Variants in KCNB2 observed in about 807,000 individuals in gnomAD.
KCNB2 encodes the protein potassium voltage-gated channel subfamily B member 2, also known as delayed rectifier potassium channel protein.
KCNB2 carries 15 observed loss-of-function variants against 61.5 expected under a neutral mutation model. The observed-to-expected ratio is 0.24, with a 90% CI of 0.16 to 0.38. The LOEUF is 0.38. KCNB2 is among the 10% of genes least tolerant of loss of function. KCNB2 has a pLI of 1.00. For missense variants in KCNB2, 828 were observed against 1,125.2 expected (o/e 0.74, Z 3.78); for synonymous variants, 457 against 446.0 (o/e 1.02, Z -0.31).
intron 2 of KCNB2, among the ~76,000 whole-genome samples, chr8:72,685,095 G>A (rs536378826): frequency 1.3e-5 from 2 of 152,304 alleles, no homozygotes; most frequent in African/African-American, 2.4e-5. Context: ...AAGCACAAAT[G>A]TTGGATTTAA....
intron 2 of KCNB2, among the ~76,000 whole-genome samples, chr8:72,675,469 C>T (rs1357230922): frequency 1.3e-5 from 2 of 151,770 alleles, no homozygotes; most frequent in Admixed American, 1.3e-4. Context: ...CACCATTTTC[C>T]CTGACATTAA....
chr8:72,541,976 A>G (rs547170971), intron 1 of KCNB2, among the ~76,000 whole-genome samples: 31 of 152,248 alleles, frequency 2.0e-4, no homozygotes, highest in African/African-American at 5.5e-4. Flanking sequence ...TTCCCTGTGA[A>G]ACATAACATG....
At chr8:72,635,232 G>T (rs1034060993) in intron 2 of KCNB2, among the ~76,000 whole-genome samples, 2 of 152,082 alleles carry the variant, frequency 1.3e-5, no homozygotes, top group Non-Finnish European at 2.9e-5. Context: ...TCCCCTTTTT[G>T]CAGTCGGCTG....
At chr8:72,731,346 C>T (rs1023087572) in intron 2 of KCNB2, among the ~76,000 whole-genome samples, 3 of 152,148 alleles carry the variant, frequency 2.0e-5, no homozygotes, top group Admixed American at 6.6e-5. Flanking sequence ...CCATATTGGA[C>T]ATAATTAATT....
intron 1 of KCNB2, among the ~76,000 whole-genome samples, chr8:72,548,489 G>A (rs1806295517): frequency 6.6e-6 from 1 of 152,110 alleles, no homozygotes; most frequent in Non-Finnish European, 1.5e-5. Flanking sequence ...GTTCTGTGTA[G>A]TCCAGGCCAC....
At chr8:72,919,852 ATAT>A (rs1439193402) in intron 2 of KCNB2, among the ~76,000 whole-genome samples, 2 of 152,176 alleles carry the variant, frequency 1.3e-5, no homozygotes, top group African/African-American at 4.8e-5. Flanking sequence ...TGATAATCAG[ATAT>A]TATTGCAGAC....
intron 2 of KCNB2, among the ~76,000 whole-genome samples, chr8:72,617,324 G>A (rs1004321987): frequency 2.6e-5 from 4 of 152,150 alleles, no homozygotes; most frequent in African/African-American, 9.7e-5. Context: ...AACAAAGATA[G>A]CCAGTGATGT....
At chr8:72,589,520 TG>T (rs1216868857) in intron 2 of KCNB2, among the ~76,000 whole-genome samples, 10 of 152,172 alleles carry the variant, frequency 6.6e-5, no homozygotes, top group Admixed American at 6.5e-4. Flanking sequence ...GCACTATCAG[TG>T]CTTGGTAGTG....
intron 2 of KCNB2, among the ~76,000 whole-genome samples, chr8:72,884,706 T>C (rs1805773135): frequency 6.6e-6 from 1 of 152,214 alleles, no homozygotes; most frequent in African/African-American, 2.4e-5. Flanking sequence ...ATAACACCTC[T>C]ATCCTATATG....
intron 2 of KCNB2, chr8:72,619,500 G>C (rs762479685): frequency 1.9e-5 from 4 of 206,024 alleles, no homozygotes; most frequent in Non-Finnish European, 3.9e-5. Context: ...GAGATTTTGA[G>C]TATGGGTATG....
At chr8:72,823,898 C>T (rs1809553086) in intron 2 of KCNB2, among the ~76,000 whole-genome samples, 1 of 152,142 alleles carries the variant, frequency 6.6e-6, no homozygotes, top group Non-Finnish European at 1.5e-5. Context: ...TAAGGGCTTT[C>T]CATGAAAGCC....
intron 2 of KCNB2, among the ~76,000 whole-genome samples, chr8:72,800,845 C>G (rs1240960303): frequency 2.0e-5 from 3 of 152,110 alleles, no homozygotes; most frequent in Non-Finnish European, 4.4e-5. Context: ...AAAAATGGCT[C>G]TTAAAGTGGT....
intron 2 of KCNB2, among the ~76,000 whole-genome samples, chr8:72,867,251 T>A (rs535546578): frequency 6.6e-6 from 1 of 152,338 alleles, no homozygotes; most frequent in East Asian, 1.9e-4. Flanking sequence ...GCATATGGCT[T>A]GATATGAGAA....
At chr8:72,601,490 A>G (rs1805351945) in intron 2 of KCNB2, among the ~76,000 whole-genome samples, 1 of 152,182 alleles carries the variant, frequency 6.6e-6, no homozygotes, top group African/African-American at 2.4e-5. Context: ...TAATATTAGA[A>G]GTTCTGGTTA....
At chr8:72,809,695 A>G (rs1160113063) in intron 2 of KCNB2, among the ~76,000 whole-genome samples, 1 of 152,170 alleles carries the variant, frequency 6.6e-6, no homozygotes, top group Non-Finnish European at 1.5e-5. Flanking sequence ...TGGAAGCCCC[A>G]AAGATCCCAA....
rs1806534467 is a variant in KCNB2, at chr8:72,561,770, T to TATATAC, written c.-93-5867_-93-5866insCATATA. 1.3e-4 allele frequency among the ~76,000 whole-genome samples: 4 copies of TATATAC among 31,194 alleles called. 1 individual carries two copies. The highest frequency in any genetic ancestry group is 1.5e-3 in the South Asian group (2 of 1,302). The allele number at this position is 31,194 out of a possible 152,430, so 20.5% of individuals were successfully genotyped here. Reference sequence around the variant, plus strand: ...ATGTATATATATATATGGATATATATATATATGGATATATATATACATATA... The same window carrying TATATAC: ...ATGTATATATATATATGGATATATATATATACATATATGGATATATATATACATATA... On this transcript the variant is annotated intron_variant, in intron 1 of 2. Transcript: ENST00000523207.
chr8:72,827,683 T>G (rs1809617969), intron 2 of KCNB2, among the ~76,000 whole-genome samples: 1 of 152,216 alleles, frequency 6.6e-6, no homozygotes, highest in Non-Finnish European at 1.5e-5. Flanking sequence ...TGCCTTCAAT[T>G]TTAATGAATA....
intron 2 of KCNB2, among the ~76,000 whole-genome samples, chr8:72,812,702 A>G (rs560176232): frequency 1.2e-4 from 18 of 152,254 alleles, no homozygotes; most frequent in African/African-American, 4.1e-4. Context: ...TAAATAGTCT[A>G]ATATCAATCC....
At chr8:72,817,242 G>C (rs532312959) in intron 2 of KCNB2, among the ~76,000 whole-genome samples, 2 of 152,256 alleles carry the variant, frequency 1.3e-5, no homozygotes, top group Admixed American at 1.3e-4. Context: ...ACAGGGCAAA[G>C]CCTTAATTAG....
Sources: allele counts gnomAD v4.1 joint callset (sites outside exome capture counted in the v4.1 genomes callset), GRCh38; gene constraint gnomAD v4.1.1; transcripts MANE v1.5; gene names NCBI Gene and HGNC (gene_info 2026-07-23, HGNC 2026-07-21).